Variants in TTLL11 observed in about 807,000 individuals in gnomAD.
TTLL11 encodes the protein tubulin polyglutamylase TTLL11.
Under a neutral mutation model 51.7 loss-of-function variants are expected in TTLL11, and 42 were observed. That is an observed-to-expected ratio of 0.81 (90% CI 0.64 to 1.05). The LOEUF is 1.05. Among genes scored for constraint, TTLL11 ranks in the 50% least tolerant of loss-of-function variants. The pLI, the probability that TTLL11 is intolerant of heterozygous loss-of-function variation, is 0.00. For missense variants in TTLL11, 799 were observed against 940.4 expected (o/e 0.85, Z 1.97); for synonymous variants, 381 against 383.5 (o/e 0.99, Z 0.08).
At chr9:122,010,922 GTAAGCT>G (rs1466038977) in intron 3 of TTLL11, among the ~76,000 whole-genome samples, 9 of 152,180 alleles carry the variant, frequency 5.9e-5, no homozygotes, top group African/African-American at 2.2e-4. Context: ...AGAGGAATGC[GTAAGCT>G]TGGGCATGGC....
rs557683086 is a variant in TTLL11, at chr9:121,903,173, G to A, written c.1482-32425C>T. 5.2e-4 allele frequency among the ~76,000 whole-genome samples: 79 copies of A among 152,128 alleles called. No homozygotes were observed. In the Middle Eastern group the frequency reaches 0.01, roughly 20 times the overall value. On this transcript the variant is annotated intron_variant, in intron 6 of 8. Coordinates refer to ENST00000321582, the MANE Select transcript of TTLL11 (RefSeq NM_001139442.2). The stretch of plus-strand genomic sequence containing the variant: ...ATAGATCCTCTAATCCTCATACCAC[G>A]CCTGCAATGCAACAGGCTCCCTATT...
At chr9:121,916,834 G>T (rs1388653579) in intron 6 of TTLL11, among the ~76,000 whole-genome samples, 1 of 152,148 alleles carries the variant, frequency 6.6e-6, no homozygotes, top group Non-Finnish European at 1.5e-5. Flanking sequence ...ACTTTATTCA[G>T]ACAAACCTAA....
At chr9:122,022,664 C>T (rs1483770294) in intron 3 of TTLL11, among the ~76,000 whole-genome samples, 2 of 151,418 alleles carry the variant, frequency 1.3e-5, no homozygotes, top group African/African-American at 4.9e-5. Context: ...AAAAATGATA[C>T]CTGACAGAAA....
intron 6 of TTLL11, among the ~76,000 whole-genome samples, chr9:121,875,244 C>T (rs371258650): frequency 2.0e-3 from 300 of 152,226 alleles, no homozygotes; most frequent in African/African-American, 7.0e-3. Flanking sequence ...CATCCAGGGT[C>T]GTGGGCTTAG....
intron 6 of TTLL11, among the ~76,000 whole-genome samples, chr9:121,899,813 CTACA>C (rs1299291811): frequency 6.6e-6 from 1 of 152,198 alleles, no homozygotes; most frequent in Non-Finnish European, 1.5e-5. Context: ...TCATTCTCTG[CTACA>C]TTCCCAGTGA....
At chr9:122,055,003 G>A (rs1251403452) in intron 1 of TTLL11, among the ~76,000 whole-genome samples, 1 of 152,132 alleles carries the variant, frequency 6.6e-6, no homozygotes, top group East Asian at 1.9e-4. Flanking sequence ...TCCCACCAGA[G>A]CGTTGGTCTA....
At chr9:121,879,754 G>C (rs879276673) in intron 6 of TTLL11, among the ~76,000 whole-genome samples, 3,283 of 20,048 alleles carry the variant, frequency 0.16, 533 homozygotes, top group East Asian at 0.35. Context: ...ACTGCTTGAA[G>C]CCCTGAATCT....
At chr9:121,827,123 AT>A (rs373388045) in intron 8 of TTLL11, among the ~76,000 whole-genome samples, 2,417 of 150,932 alleles carry the variant, frequency 0.016, 48 homozygotes, top group African/African-American at 0.055. Flanking sequence ...ATTTCTAACC[AT>A]TTTTTTTTAT....
rs138901181 is a variant in TTLL11, at chr9:121,945,185, G to A, written c.1481+28824C>T. On this transcript the variant is annotated intron_variant, in intron 6 of 8. Transcript: ENST00000321582. ...GACAGTTGCTGGCTGTGCTGTCTCC[G>A]GAAAATACAGCTTAGGAGCAAATCC... Among the ~76,000 whole-genome samples the A allele has an allele frequency of 4.4e-4, 67 of 152,104 alleles. 1 individual carries two copies. The East Asian group carries it at 7.5e-3, about 17-fold the overall frequency.
At chr9:121,832,682 G>A (rs1162725643) in intron 8 of TTLL11, among the ~76,000 whole-genome samples, 1 of 152,184 alleles carries the variant, frequency 6.6e-6, no homozygotes, top group Non-Finnish European at 1.5e-5. Flanking sequence ...GCTCATGCCT[G>A]TAATCCCAGC....
intron 6 of TTLL11, among the ~76,000 whole-genome samples, chr9:121,899,365 G>GTGTGTATATATATACATATA (rs1226221957): frequency 1.6e-4 from 18 of 113,184 alleles, no homozygotes; most frequent in Admixed American, 4.1e-4. Context: ...ATGTGTGTGT[G>GTGTGTATATATATACATATA]TATATATATA....
chr9:121,888,423 C>T (rs186083261), intron 6 of TTLL11, among the ~76,000 whole-genome samples: 3 of 152,158 alleles, frequency 2.0e-5, no homozygotes, highest in East Asian at 1.9e-4. Context: ...GGAAAGAACC[C>T]GGGTTTCTGC....
At chr9:122,030,284 T>C (rs1461147252) in intron 3 of TTLL11, among the ~76,000 whole-genome samples, 1 of 151,688 alleles carries the variant, frequency 6.6e-6, no homozygotes, top group East Asian at 1.9e-4. Flanking sequence ...TGCATACAAT[T>C]AAATGCACCC....
intron 6 of TTLL11, among the ~76,000 whole-genome samples, chr9:121,917,611 G>C (rs1445019046): frequency 6.9e-6 from 1 of 145,978 alleles, no homozygotes; most frequent in Non-Finnish European, 1.5e-5. Flanking sequence ...AAGGAAGGGA[G>C]GGAGGGAAGG....
intron 4 of TTLL11, among the ~76,000 whole-genome samples, chr9:121,978,191 T>A (rs549538520): frequency 6.6e-6 from 1 of 152,238 alleles, no homozygotes. Context: ...GAAATATGCA[T>A]GATTTTCTTT....
At chr9:122,014,118 A>G (rs148778347) in intron 3 of TTLL11, among the ~76,000 whole-genome samples, 1 of 152,270 alleles carries the variant, frequency 6.6e-6, no homozygotes, top group East Asian at 1.9e-4. Context: ...TAATCCCAGT[A>G]CTTTGGGAGG....
chr9:121,827,792 G>T (rs114532088), intron 8 of TTLL11, among the ~76,000 whole-genome samples: 2,385 of 146,952 alleles, frequency 0.016, 64 homozygotes, highest in African/African-American at 0.054. Context: ...GTAACCTTTT[G>T]AAGGTTTCAA....
At chr9:121,852,620 G>A (rs530851530) in intron 8 of TTLL11, among the ~76,000 whole-genome samples, 1 of 152,266 alleles carries the variant, frequency 6.6e-6, no homozygotes, top group South Asian at 2.1e-4. Context: ...CTGAGGATGA[G>A]GAAGGACAGG....
intron 6 of TTLL11, among the ~76,000 whole-genome samples, chr9:121,932,145 T>C (rs1045493102): frequency 2.0e-5 from 3 of 152,178 alleles, no homozygotes; most frequent in Non-Finnish European, 4.4e-5. Context: ...TACGAGCCTA[T>C]GAGTTCTTGA....
Sources: gnomAD v4.1 joint callset for allele counts (sites outside exome capture counted in the v4.1 genomes callset) on GRCh38, gnomAD v4.1.1 for gene constraint, MANE v1.5 for transcripts, NCBI Gene and HGNC (gene_info 2026-07-23, HGNC 2026-07-21) for gene names.